Variants in MTFR1 observed in about 807,000 individuals in gnomAD.
MTFR1 encodes mitochondrial fission regulator 1.
In MTFR1, 28 loss-of-function variants were observed where a neutral mutation model predicts 38.8. That is an observed-to-expected ratio of 0.72 (90% CI 0.53 to 0.99). The LOEUF is 0.99. MTFR1 is among the 50% of genes least tolerant of loss of function. MTFR1 has a pLI of 0.00. For synonymous variants in MTFR1, 145 were observed against 137.0 expected (o/e 1.06, Z -0.41); for missense variants, 358 against 395.5 (o/e 0.91, Z 0.81).
chr8:65,707,370 T>TA (rs1215346781), intron 6 of MTFR1, 114 bp downstream of exon 6: 167 of 1,144,968 alleles, frequency 1.5e-4, no homozygotes, highest in Middle Eastern at 2.4e-4. Context: ...GTTTTTAGTT[T>TA]AAAAAAAAGA....
chr8:65,682,672 C>A, intron 3 of MTFR1: 1 of 687,216 alleles, frequency 1.5e-6, no homozygotes, highest in Non-Finnish European at 1.8e-6. Flanking sequence ...CTTAAGGATG[C>A]ATATGTGAAG....
intron 3 of MTFR1, among the ~76,000 whole-genome samples, chr8:65,686,400 C>T (rs150763649): frequency 0.04 from 6,091 of 151,244 alleles, 412 homozygotes; most frequent in African/African-American, 0.14. Context: ...GGTGAAACCC[C>T]GTCTCTACTA....
chr8:65,644,436 C>G (rs1808891341), upstream of MTFR1, among the ~76,000 whole-genome samples: 1 of 152,224 alleles, frequency 6.6e-6, no homozygotes, highest in Non-Finnish European at 1.5e-5. Flanking sequence ...ACATCTGCGG[C>G]TACATTCAGA....
At chr8:65,737,580 C>T (rs1383584448) in intron 3 of MTFR1, among the ~76,000 whole-genome samples, 1 of 151,550 alleles carries the variant, frequency 6.6e-6, no homozygotes, top group Non-Finnish European at 1.5e-5. Context: ...TCTCGGCTCA[C>T]TCTCTCTCTC....
At chr8:65,747,568 C>CTA (rs1227458634) in intron 3 of MTFR1, 2 of 803,970 alleles carry the variant, frequency 2.5e-6, no homozygotes, top group African/African-American at 3.6e-5. Context: ...GAAAAAGACT[C>CTA]TATAAATCAT....
rs1805733787 is a variant in MTFR1 at position 65,704,860 on chromosome 8, G to A, written c.448G>A (p.Glu150Lys). The A allele has an allele frequency of 1.2e-6, 2 of 1,613,332 alleles. No individual in the cohort carries two copies. The change falls in exon 5 of 8, where the codon GAA becomes AAA. Residue 150 changes from glutamate (E) to lysine (K), a missense_variant. Coordinates refer to ENST00000262146, the MANE Select transcript of MTFR1 (RefSeq NM_014637.4). ...GCAGAAGATTTGCGCTCTCGAAAATGAACTTGCTGCTCTCAGAGCTCAGAT... is the reference window on the plus strand; with the variant it reads ...GCAGAAGATTTGCGCTCTCGAAAATAAACTTGCTGCTCTCAGAGCTCAGAT... Reference protein sequence around the residue: ...ALQKICALENELAALRAQIAK... With the variant: ...ALQKICALENKLAALRAQIAK...
downstream of MTFR1, among the ~76,000 whole-genome samples, chr8:65,774,311 G>C (rs1809195332): frequency 8.3e-6 from 1 of 121,204 alleles, no homozygotes; most frequent in Non-Finnish European, 1.6e-5. Context: ...GACATTTATA[G>C]TGAGAATATT....
At chr8:65,743,519 G>GATC (rs1034124240) in intron 3 of MTFR1, among the ~76,000 whole-genome samples, 2 of 152,138 alleles carry the variant, frequency 1.3e-5, no homozygotes, top group Admixed American at 6.5e-5. Context: ...TTTTGCCTAG[G>GATC]ATCAGTCCAG....
At chr8:65,654,064 CAAAAA>C (rs34665689) in intron 1 of MTFR1, among the ~76,000 whole-genome samples, 2 of 83,674 alleles carry the variant, frequency 2.4e-5, no homozygotes, top group Non-Finnish European at 2.4e-5. Context: ...CTTTGTCTCT[CAAAAA>C]AAAAAAAAAA....
At chr8:65,663,913 C>T (rs114823856) in intron 1 of MTFR1, among the ~76,000 whole-genome samples, 384 of 151,242 alleles carry the variant, frequency 2.5e-3, no homozygotes, top group Middle Eastern at 6.8e-3. Flanking sequence ...CAACAACCTC[C>T]GCCTCCTGGG....
chr8:65,682,863 A>G, intron 3 of MTFR1: 1 of 985,330 alleles, frequency 1.0e-6, no homozygotes, highest in South Asian at 4.7e-5. Flanking sequence ...ATGCCATATA[A>G]GTTGCTTTCC....
chr8:65,733,486 G>C (rs1806990740), intron 3 of MTFR1, among the ~76,000 whole-genome samples: 1 of 152,114 alleles, frequency 6.6e-6, no homozygotes, highest in Non-Finnish European at 1.5e-5. Flanking sequence ...GTGGGCAATA[G>C]AGTGAGACCC....
chr8:65,688,983 A>G (rs1014989425), intron 3 of MTFR1, among the ~76,000 whole-genome samples: 1 of 151,866 alleles, frequency 6.6e-6, no homozygotes, highest in Non-Finnish European at 1.5e-5. Flanking sequence ...CATCTCTACT[A>G]AAAACACAAA....
At chr8:65,663,640 T>C (rs978408133) in intron 1 of MTFR1, among the ~76,000 whole-genome samples, 1 of 151,188 alleles carries the variant, frequency 6.6e-6, no homozygotes, top group African/African-American at 2.4e-5. Flanking sequence ...AATAAAAAAG[T>C]ACTAACAATA....
rs1451744572 is a variant in MTFR1, at chr8:65,707,864, C to T, written c.786C>T (p.Pro262=). 1 of 1,614,066 alleles carries T rather than the reference C, an allele frequency of 6.2e-7. No individual in the cohort carries two copies. Among genetic ancestry groups the T allele is most frequent in the Non-Finnish European group, 8.5e-7 (1 of 1,179,978 alleles). The change falls in exon 7 of 8, where the codon CCC becomes CCT. Residue 262 remains proline, a synonymous_variant. Transcript: ENST00000262146. ...TAAGGTCAGAGCAAGATGTGAAGCC[C>T]AAGCCAGTGGATGCTACTGACCCTG... The part of the protein sequence containing the change: ...SVKRSEQDVK[P]KPVDATDPAA...
intron 3 of MTFR1, chr8:65,689,697 C>G (rs966190508): frequency 8.9e-5 from 69 of 775,302 alleles, no homozygotes; most frequent in Non-Finnish European, 1.1e-4. Flanking sequence ...CCAGGGCTGA[C>G]TTCACCTTGA....
At chr8:65,694,019 C>G (rs924811852) in intron 4 of MTFR1, among the ~76,000 whole-genome samples, 1 of 151,388 alleles carries the variant, frequency 6.6e-6, no homozygotes, top group Non-Finnish European at 1.5e-5. Flanking sequence ...TCTCCCACCT[C>G]AGCCTCCCAA....
At position 65,754,189 on chromosome 8, in the gene MTFR1, C is replaced by G. The variant is rs376235842; in HGVS notation, c.*49-16758C>G. ...GGAAGCTAGGCCAGTCTAGTCTTTC[C>G]ATGTTTTTCTGCTTGCTTTATAGTC... On this transcript the variant is annotated intron_variant, in intron 3 of 3. Coordinates refer to the MTFR1 transcript ENST00000521247. Among the ~76,000 whole-genome samples, 12 of 152,116 alleles carry G rather than the reference C, an allele frequency of 7.9e-5. No homozygotes were observed. In the East Asian group the frequency reaches 1.2e-3, roughly 15 times the overall value.
At chr8:65,685,350 C>G (rs1168885251) in intron 3 of MTFR1, among the ~76,000 whole-genome samples, 2 of 152,172 alleles carry the variant, frequency 1.3e-5, no homozygotes, top group Non-Finnish European at 2.9e-5. Flanking sequence ...AAACTGAGAA[C>G]AGGACAGTCA....
Sources: allele counts gnomAD v4.1 joint callset (sites outside exome capture counted in the v4.1 genomes callset), GRCh38; gene constraint gnomAD v4.1.1; transcripts MANE v1.5; gene names NCBI Gene and HGNC (gene_info 2026-07-23, HGNC 2026-07-21).